The following EGFLAM variants were observed in gnomAD, a reference collection of about 807,000 sequenced individuals.
The protein encoded by EGFLAM is pikachurin.
Under a neutral mutation model 113.1 loss-of-function variants are expected in EGFLAM, and 79 were observed. The observed-to-expected ratio is 0.70, with a 90% CI of 0.58 to 0.84. The LOEUF (loss-of-function observed/expected upper bound fraction) is 0.84. Among genes scored for constraint, EGFLAM ranks in the 40% least tolerant of loss-of-function variants. EGFLAM has a pLI of 0.00. For synonymous variants in EGFLAM, 504 were observed against 487.6 expected, an observed-to-expected ratio of 1.03 and a Z score of -0.44; for missense variants, 1,265 against 1,291.6, an observed-to-expected ratio of 0.98 and a Z score of 0.32.
intron 1 of EGFLAM, among the ~76,000 whole-genome samples, chr5:38,259,697 G>T (rs1471921676): frequency 6.6e-6 from 1 of 152,142 alleles, no homozygotes; most frequent in African/African-American, 2.4e-5. Context: ...AATCTGTTTT[G>T]TCTTAACTTA....
intron 1 of EGFLAM, among the ~76,000 whole-genome samples, chr5:38,285,511 A>G (rs937951389): frequency 1.3e-5 from 2 of 152,148 alleles, no homozygotes; most frequent in Admixed American, 1.3e-4. Context: ...CCATACAGAG[A>G]GTGCATCCCC....
chr5:38,352,450 C>A, intron 5 of EGFLAM, 119 bp downstream of exon 5: 1 of 1,309,750 alleles, frequency 7.6e-7, no homozygotes, highest in South Asian at 1.3e-5. Flanking sequence ...AGTTCGAGAC[C>A]AGCCTGACCA....
chr5:38,271,121 C>G (rs1031836450), intron 1 of EGFLAM, among the ~76,000 whole-genome samples: 1 of 150,158 alleles, frequency 6.7e-6, no homozygotes, highest in African/African-American at 2.4e-5. Context: ...AATAAAAACA[C>G]CCAACCTTTG....
chr5:38,372,745 C>T (rs549008801), intron 6 of EGFLAM, among the ~76,000 whole-genome samples: 1 of 152,148 alleles, frequency 6.6e-6, no homozygotes, highest in African/African-American at 2.4e-5. Context: ...TAGGTATACA[C>T]AGTTACTCAG....
rs140231142 is a variant in EGFLAM, at chr5:38,449,394, C to G, written c.2543+1015C>G. On this transcript the variant is annotated intron_variant, in intron 18 of 21. Coordinates refer to ENST00000322350, the MANE Select transcript of EGFLAM (RefSeq NM_152403.4). ...TTCTCTAATCCCAGGTTGTATTAAT[C>G]TACGTTGTCTTGGCATGGGGACTTA... Among the ~76,000 whole-genome samples, 40 of 152,322 alleles carry G rather than the reference C, an allele frequency of 2.6e-4. No individual in the cohort carries two copies. The East Asian group carries it at 7.7e-3, about 29-fold the overall frequency.
Position 38,321,406 on chromosome 5 carries a change from C to T in EGFLAM, c.98-16114C>T, listed in dbSNP as rs1227417667. The stretch of plus-strand genomic sequence containing the variant: ...CACTCAACTCCTGCTGTGTGTTGCC[C>T]GGTTCCTAAAAGGCCACAGAACAGT... On this transcript the variant is annotated intron_variant, in intron 1 of 21. Coordinates refer to ENST00000322350, the MANE Select transcript of EGFLAM (RefSeq NM_152403.4). 2.6e-5 allele frequency among the ~76,000 whole-genome samples: 4 copies of T among 152,118 alleles called. No homozygotes were observed. In the South Asian group the frequency reaches 6.2e-4, roughly 24 times the overall value.
chr5:38,275,382 C>A (rs930178012), intron 1 of EGFLAM, among the ~76,000 whole-genome samples: 20 of 152,222 alleles, frequency 1.3e-4, no homozygotes, highest in African/African-American at 4.6e-4. Context: ...AAAAGATATT[C>A]TGTGCAAATG....
At chr5:38,455,113 A>C (rs943961344) in intron 19 of EGFLAM, among the ~76,000 whole-genome samples, 2 of 152,176 alleles carry the variant, frequency 1.3e-5, no homozygotes, top group Non-Finnish European at 2.9e-5. Flanking sequence ...TCACATCTTC[A>C]TGCAACGAAG....
intron 1 of EGFLAM, among the ~76,000 whole-genome samples, chr5:38,316,676 A>G (rs1738604101): frequency 6.6e-6 from 1 of 152,024 alleles, no homozygotes; most frequent in Non-Finnish European, 1.5e-5. Context: ...ATGACACTCC[A>G]CTGCCTTCCA....
chr5:38,402,442 G>A (rs1741145677), intron 6 of EGFLAM, among the ~76,000 whole-genome samples: 1 of 152,158 alleles, frequency 6.6e-6, no homozygotes, highest in Non-Finnish European at 1.5e-5. Flanking sequence ...CTTAAGCGAT[G>A]TATGAAAAGC....
chr5:38,409,986 C>T (rs1385462193), intron 10 of EGFLAM, among the ~76,000 whole-genome samples: 1 of 152,154 alleles, frequency 6.6e-6, no homozygotes, highest in African/African-American at 2.4e-5. Flanking sequence ...CACTGGCTGA[C>T]ATCCTAATGG....
chr5:38,410,033 G>A (rs996598966), intron 10 of EGFLAM, among the ~76,000 whole-genome samples: 8 of 152,126 alleles, frequency 5.3e-5, no homozygotes, highest in South Asian at 4.2e-4. Flanking sequence ...AGCATGTGGC[G>A]CAACCTCTCC....
chr5:38,408,731 A>G (rs1381075666), intron 9 of EGFLAM, among the ~76,000 whole-genome samples: 1 of 152,206 alleles, frequency 6.6e-6, no homozygotes, highest in Non-Finnish European at 1.5e-5. Context: ...CTGCAGGTGC[A>G]TCCACAAAGG....
intron 6 of EGFLAM, among the ~76,000 whole-genome samples, chr5:38,377,474 A>G (rs1277235988): frequency 6.6e-6 from 1 of 152,108 alleles, no homozygotes; most frequent in Non-Finnish European, 1.5e-5. Flanking sequence ...CACCCTATGC[A>G]AGGTCTGCGC....
rs949631328 is a variant in EGFLAM, at chr5:38,463,079, G to T, written c.2875+68G>T. ...TTTTCTTGTTAGTCTTCCATTTGCTGTGCCGAGGCTATGTACTTTGCTGGA... is the reference window on the plus strand; with the variant it reads ...TTTTCTTGTTAGTCTTCCATTTGCTTTGCCGAGGCTATGTACTTTGCTGGA... On this transcript the variant is annotated intron_variant, in intron 21 of 21. Coordinates refer to ENST00000322350, the MANE Select transcript of EGFLAM (RefSeq NM_152403.4). The T allele has an allele frequency of 2.6e-5, 38 of 1,485,944 alleles. No homozygotes were observed. The Admixed American group carries it at 6.8e-4, about 27-fold the overall frequency. 92.0% of individuals were successfully genotyped at this position (1,485,944 alleles called of 1,614,324 possible). A position where few individuals can be genotyped will look rare whatever the true frequency, so the allele number is the denominator to read the frequency against.
At chr5:38,456,480 C>T (rs147909521) in intron 19 of EGFLAM, among the ~76,000 whole-genome samples, 19 of 152,236 alleles carry the variant, frequency 1.2e-4, no homozygotes, top group African/African-American at 2.2e-4. Context: ...CTCAAAATTC[C>T]GCCACCAGGC....
Position 38,407,151 on chromosome 5 carries a change from G to T in EGFLAM, c.1147+5G>T. ...GTGGTGAGAGCTGCTCAGAAGGTAG[G>T]CCCTTGGGGGAGAGGAAGAAGTGGT... On this transcript the variant is annotated splice_donor_5th_base_variant and intron_variant, in intron 8 of 21. Transcript: ENST00000322350. 6.3e-7 allele frequency: 1 copy of T among 1,587,528 alleles called. No homozygotes were observed. Among genetic ancestry groups the T allele is most frequent in the Non-Finnish European group, 8.5e-7 (1 of 1,174,698 alleles).
At chr5:38,324,668 A>T (rs1738831693) in intron 1 of EGFLAM, among the ~76,000 whole-genome samples, 1 of 152,146 alleles carries the variant, frequency 6.6e-6, no homozygotes, top group African/African-American at 2.4e-5. Context: ...GAAAAAAAAA[A>T]AAGTTTCATT....
intron 17 of EGFLAM, chr5:38,445,758 C>A: frequency 1.3e-6 from 2 of 1,564,986 alleles, no homozygotes; most frequent in South Asian, 1.1e-5. Context: ...TGGGGCAGGC[C>A]AACCGCATGC....
Sources: allele counts gnomAD v4.1 joint callset (sites outside exome capture counted in the v4.1 genomes callset), GRCh38; gene constraint gnomAD v4.1.1; transcripts MANE v1.5; gene names NCBI Gene and HGNC (gene_info 2026-07-23, HGNC 2026-07-21).